Variants in SPRED1 observed in about 807,000 individuals in gnomAD.
SPRED1 encodes the protein sprouty-related, EVH1 domain-containing protein 1.
In SPRED1, 18 loss-of-function variants were observed where a neutral mutation model predicts 52.3. That is an observed-to-expected ratio of 0.34 (90% CI 0.24 to 0.51). SPRED1 has a LOEUF of 0.51. SPRED1 is among the 20% of genes least tolerant of loss of function. SPRED1 has a pLI of 0.97. For synonymous variants in SPRED1, 155 were observed against 179.7 expected, an observed-to-expected ratio of 0.86 and a Z score of 1.10; for missense variants, 485 against 551.0, an observed-to-expected ratio of 0.88 and a Z score of 1.20.
intron 2 of SPRED1, among the ~76,000 whole-genome samples, chr15:38,321,313 A>C (rs920584551): frequency 4.6e-5 from 7 of 152,182 alleles, no homozygotes; most frequent in Admixed American, 3.9e-4. Context: ...AAATACTTTC[A>C]AAATAAAAAA....
Position 38,354,471 on chromosome 15 carries a change from A to C in SPRED1, c.*2807A>C, listed in dbSNP as rs1445430842. On this transcript the variant is annotated 3_prime_UTR_variant, in exon 7 of 7. Transcript: ENST00000299084. ...TTCTCTTGGCTTCAAAAGGGACATC[A>C]TTTGATTTCTGAAGAAGTATGTCGT... 2.0e-5 allele frequency: 3 copies of C among 152,170 alleles called. No individual in the cohort carries two copies. Among genetic ancestry groups the C allele is most frequent in the African/African-American group, 7.2e-5 (3 of 41,428 alleles). 9.4% of individuals were successfully genotyped at this position (152,170 alleles called of 1,614,324 possible). A position where few individuals can be genotyped will look rare whatever the true frequency, so the allele number is the denominator to read the frequency against.
Position 38,352,519 on chromosome 15 carries a change from C to G in SPRED1, c.*855C>G, listed in dbSNP as rs1267861459. The G allele has an allele frequency of 6.6e-6, 1 of 152,308 alleles. No homozygotes were observed. Among genetic ancestry groups the G allele is most frequent in the Non-Finnish European group, 1.5e-5 (1 of 67,946 alleles). The allele number at this position is 152,308 out of a possible 1,614,324, so 9.4% of individuals were successfully genotyped here. On this transcript the variant is annotated 3_prime_UTR_variant, in exon 7 of 7. Transcript: ENST00000299084. ...ACACTTATTTTTATATAAAAAGAGA[C>G]TGAGTAAACAAACATTATAGAAAAA...
chr15:38,284,856 ATT>A (rs75465161), intron 1 of SPRED1, among the ~76,000 whole-genome samples: 120,927 of 147,480 alleles, frequency 0.82, 50,153 homozygotes, highest in Non-Finnish European at 0.89. Flanking sequence ...TTCATCTGGG[ATT>A]TTTTTTTTTT....
intron 1 of SPRED1, among the ~76,000 whole-genome samples, chr15:38,298,793 CTTG>C (rs1895092293): frequency 6.6e-6 from 1 of 152,106 alleles, no homozygotes; most frequent in Non-Finnish European, 1.5e-5. Flanking sequence ...GACCAATTTG[CTTG>C]TTAAGTAATC....
At chr15:38,310,266 G>A (rs1485362838) in intron 2 of SPRED1, among the ~76,000 whole-genome samples, 2 of 151,868 alleles carry the variant, frequency 1.3e-5, no homozygotes, top group Admixed American at 6.6e-5. Context: ...TCAGCCTCCC[G>A]AGTAGCTGGG....
chr15:38,283,559 CATAGAAAATT>C (rs1415194702), intron 1 of SPRED1: 1 of 950,200 alleles, frequency 1.1e-6, no homozygotes, highest in African/African-American at 1.8e-5. Flanking sequence ...TATATTTAGA[CATAGAAAATT>C]GTAGAAAATG....
At chr15:38,280,941 T>C (rs1342117174) in intron 1 of SPRED1, among the ~76,000 whole-genome samples, 2 of 152,232 alleles carry the variant, frequency 1.3e-5, no homozygotes, top group South Asian at 2.1e-4. Context: ...CCAGTACATA[T>C]GTAACCATTG....
At chr15:38,325,070 T>C (rs1895686992) in intron 4 of SPRED1, among the ~76,000 whole-genome samples, 1 of 152,130 alleles carries the variant, frequency 6.6e-6, no homozygotes, top group African/African-American at 2.4e-5. Flanking sequence ...ACTCCTGGGC[T>C]GAAGCAACCC....
chr15:38,341,869 AT>A (rs1896037203), intron 5 of SPRED1, among the ~76,000 whole-genome samples: 1 of 152,006 alleles, frequency 6.6e-6, no homozygotes, highest in Non-Finnish European at 1.5e-5. Flanking sequence ...ATTATGAGAT[AT>A]CCTCTTTTAT....
Position 38,303,109 on chromosome 15 carries a change from G to A in SPRED1, c.207+3562G>A, listed in dbSNP as rs190515782. 1.1e-4 allele frequency among the ~76,000 whole-genome samples: 17 copies of A among 152,166 alleles called. No individual in the cohort carries two copies. In the East Asian group the frequency reaches 1.5e-3, roughly 14 times the overall value. ...TGAGGCAGGAGAATCGCTTGAACCC[G>A]GGAGGCGTAGGTGGCAGTGAGCTGA... On this transcript the variant is annotated intron_variant, in intron 2 of 6. Coordinates refer to ENST00000299084, the MANE Select transcript of SPRED1 (RefSeq NM_152594.3).
rs766152186 is a variant in SPRED1, at chr15:38,351,060, A to G, written c.731A>G (p.Glu244Gly). The G allele has an allele frequency of 3.7e-6, 6 of 1,613,888 alleles. No individual in the cohort carries two copies. Among genetic ancestry groups the G allele is most frequent in the Non-Finnish European group, 5.1e-6 (6 of 1,179,952 alleles). Reference sequence around the variant, plus strand: ...CATGTCAGCTTTCAAGATGAGGATGAGATTGTCAGAATAAACCCTCGAGAT... The same window carrying G: ...CATGTCAGCTTTCAAGATGAGGATGGGATTGTCAGAATAAACCCTCGAGAT... Reference protein sequence around the residue: ...IRHVSFQDEDEIVRINPRDIL... With the variant: ...IRHVSFQDEDGIVRINPRDIL... Residue 244 changes from glutamate to glycine, a missense_variant, in exon 7 of 7, where the codon GAG (glutamate) becomes GGG (glycine). By Grantham distance (98) the Glu-to-Gly change is moderately conservative. Around this residue, in one of 5 missense-constraint regions of SPRED1, gnomAD observed 3 missense variants for 16.7 expected, o/e 0.18. Coordinates refer to ENST00000299084, the MANE Select transcript of SPRED1 (RefSeq NM_152594.3).
intron 5 of SPRED1, among the ~76,000 whole-genome samples, chr15:38,341,203 C>T (rs986573173): frequency 1.3e-5 from 2 of 151,892 alleles, no homozygotes; most frequent in African/African-American, 4.8e-5. Context: ...AGTGCCTTCT[C>T]TCCTTTGATT....
chr15:38,330,181 C>A (rs17572208), intron 4 of SPRED1, among the ~76,000 whole-genome samples: 1 of 152,036 alleles, frequency 6.6e-6, no homozygotes, highest in East Asian at 1.9e-4. Context: ...TCATTAGAAA[C>A]GTAGTTTAGT....
intron 1 of SPRED1, among the ~76,000 whole-genome samples, chr15:38,277,331 A>G (rs755352783): frequency 2.6e-5 from 4 of 152,098 alleles, no homozygotes; most frequent in East Asian, 1.9e-4. Context: ...TGTGTACTCA[A>G]TGTTTAGCTC....
chr15:38,292,013 C>G (rs1476168419), intron 1 of SPRED1, among the ~76,000 whole-genome samples: 2 of 152,200 alleles, frequency 1.3e-5, no homozygotes, highest in Admixed American at 6.5e-5. Context: ...AACTTTAATA[C>G]TGTTTCCCTT....
At chr15:38,312,492 C>T (rs568668381) in intron 2 of SPRED1, among the ~76,000 whole-genome samples, 2 of 152,110 alleles carry the variant, frequency 1.3e-5, no homozygotes, top group East Asian at 3.9e-4. Flanking sequence ...TTGACAATGC[C>T]CTCCCCTTTT....
chr15:38,319,151 C>A (rs1233430431), intron 2 of SPRED1, among the ~76,000 whole-genome samples: 1 of 152,096 alleles, frequency 6.6e-6, no homozygotes. Flanking sequence ...CCCTTTTTAA[C>A]AATTCCAATT....
chr15:38,289,229 G>GA (rs10627721), intron 1 of SPRED1, among the ~76,000 whole-genome samples: 4,478 of 149,240 alleles, frequency 0.03, 72 homozygotes, highest in Middle Eastern at 0.081. Context: ...CTTTGAAATG[G>GA]AAAAAAAAAA....
chr15:38,301,630 G>T (rs1748774546), intron 2 of SPRED1, among the ~76,000 whole-genome samples: 2 of 152,164 alleles, frequency 1.3e-5, no homozygotes, highest in African/African-American at 2.4e-5. Context: ...GAAGTCTTGT[G>T]AAATCTCAAG....
Sources: allele counts gnomAD v4.1 joint callset (sites outside exome capture counted in the v4.1 genomes callset), GRCh38; gene constraint gnomAD v4.1.1; regional missense constraint gnomAD v4.1.1; transcripts MANE v1.5; gene names NCBI Gene and HGNC (gene_info 2026-07-23, HGNC 2026-07-21).